Variants in TRPC5 observed in about 807,000 individuals in gnomAD.
The protein encoded by TRPC5 is transient receptor potential cation channel subfamily C member 5.
Under a neutral mutation model 56.5 loss-of-function variants are expected in TRPC5, and 9 were observed. That is an observed-to-expected ratio of 0.16 (90% CI 0.10 to 0.28). The LOEUF is 0.28. Ranked by LOEUF, TRPC5 falls within the 10% of genes least tolerant of loss-of-function variation. TRPC5 has a pLI of 1.00. For missense variants in TRPC5, 469 were observed against 748.9 expected (o/e 0.63, Z 4.36); for synonymous variants, 282 against 278.5 (o/e 1.01, Z -0.13).
intron 7 of TRPC5, among the ~76,000 whole-genome samples, chrX:111,811,703 C>A (rs1036154883): frequency 9.0e-6 from 1 of 111,126 alleles, no homozygotes; most frequent in East Asian, 2.8e-4. Flanking sequence ...GTTTTCTCAA[C>A]AGTAAAAATG....
intron 1 of TRPC5, among the ~76,000 whole-genome samples, chrX:111,975,845 A>G (rs1927910765): frequency 1.8e-5 from 2 of 112,209 alleles, no homozygotes; most frequent in Admixed American, 9.4e-5. Flanking sequence ...CGGAGCTTGC[A>G]GTGAGCCGAG....
chrX:112,021,043 C>T (rs540292791), intron 1 of TRPC5, among the ~76,000 whole-genome samples: 31 of 109,321 alleles, frequency 2.8e-4, no homozygotes, highest in African/African-American at 1.0e-3. Flanking sequence ...CACAGGGCCA[C>T]AGGAGAATGG....
chrX:111,809,792 A>G (rs751945870), intron 7 of TRPC5, among the ~76,000 whole-genome samples: 1 of 111,014 alleles, frequency 9.0e-6, no homozygotes, highest in South Asian at 3.9e-4. Flanking sequence ...GTGTGTGGTG[A>G]GAACATTTAA....
chrX:111,834,273 A>G (rs1333463784), intron 7 of TRPC5, among the ~76,000 whole-genome samples: 1 of 111,334 alleles, frequency 9.0e-6, no homozygotes, highest in Non-Finnish European at 1.9e-5. Flanking sequence ...AATGGAGTGC[A>G]GTTACTTATA....
chrX:111,944,887 C>T (rs935735965), intron 2 of TRPC5, among the ~76,000 whole-genome samples: 1 of 111,104 alleles, frequency 9.0e-6, no homozygotes, highest in African/African-American at 3.3e-5. Flanking sequence ...TCTTATCAGA[C>T]TTCTGACCTC....
chrX:111,852,933 A>AT (rs373884953), intron 4 of TRPC5, among the ~76,000 whole-genome samples: 5,510 of 108,798 alleles, frequency 0.051, 290 homozygotes, highest in African/African-American at 0.15. Flanking sequence ...TTTATAACTC[A>AT]TTTTTTTTTC....
rs1326554305 is a variant in TRPC5, at chrX:111,859,350, T to A, written c.901-5244A>T. ...CAGGTGTGCTATAGTTTTTGAAACA[T>A]AATTTTTACTTTTCAGTTTCCTATT... On this transcript the variant is annotated intron_variant, in intron 3 of 10. Coordinates refer to ENST00000262839, the MANE Select transcript of TRPC5 (RefSeq NM_012471.3). Among the ~76,000 whole-genome samples the A allele has an allele frequency of 2.7e-5, 3 of 112,642 alleles. No homozygotes were observed. In the East Asian group the frequency reaches 8.3e-4, roughly 31 times the overall value.
At chrX:112,054,859 C>A (rs1175325476) in intron 1 of TRPC5, among the ~76,000 whole-genome samples, 1 of 111,395 alleles carries the variant, frequency 9.0e-6, no homozygotes, top group Non-Finnish European at 1.9e-5. Flanking sequence ...CTCCCTGGTT[C>A]ATGTTTTCCT....
intron 7 of TRPC5, among the ~76,000 whole-genome samples, 181 bp downstream of exon 7, chrX:111,834,740 A>G (rs1922514495): frequency 2.7e-5 from 3 of 112,450 alleles, no homozygotes; most frequent in Admixed American, 1.9e-4. Context: ...TGAAGAGTCT[A>G]TAGACTAAGA....
At chrX:111,823,530 G>A (rs181065924) in intron 7 of TRPC5, among the ~76,000 whole-genome samples, 2 of 111,322 alleles carry the variant, frequency 1.8e-5, no homozygotes, top group Non-Finnish European at 3.8e-5. Context: ...GTGCTGACCC[G>A]TTTACTCCCT....
At chrX:111,956,570 G>A (rs966015558) in intron 1 of TRPC5, among the ~76,000 whole-genome samples, 2 of 111,560 alleles carry the variant, frequency 1.8e-5, no homozygotes, top group African/African-American at 3.3e-5. Context: ...AGTCCAAAAA[G>A]TGCCTATAGT....
chrX:111,816,248 ATCT>A (rs1569525749), intron 7 of TRPC5, among the ~76,000 whole-genome samples: 1 of 112,129 alleles, frequency 8.9e-6, no homozygotes. Flanking sequence ...TCTCCTTTTC[ATCT>A]TCTAAAATGG....
At chrX:111,814,046 T>C (rs1282660598) in intron 7 of TRPC5, among the ~76,000 whole-genome samples, 1 of 112,705 alleles carries the variant, frequency 8.9e-6, no homozygotes, top group East Asian at 2.8e-4. Flanking sequence ...CTAGAAATTA[T>C]ACATTGTATT....
chrX:111,909,930 G>C (rs1332184992), intron 3 of TRPC5, among the ~76,000 whole-genome samples: 1 of 111,709 alleles, frequency 9.0e-6, no homozygotes, highest in Non-Finnish European at 1.9e-5. Context: ...TCATCACATT[G>C]GTTGTCAAAT....
chrX:112,054,713 T>C (rs1015050117), intron 1 of TRPC5, among the ~76,000 whole-genome samples: 4 of 111,238 alleles, frequency 3.6e-5, no homozygotes, highest in Admixed American at 9.6e-5. Context: ...TTAAAGCCTA[T>C]AGAACATAAC....
intron 1 of TRPC5, among the ~76,000 whole-genome samples, chrX:111,988,968 T>C (rs1928282317): frequency 8.9e-6 from 1 of 112,112 alleles, no homozygotes; most frequent in South Asian, 3.7e-4. Context: ...GAAAGTAGCA[T>C]TACTAATCCC....
Position 112,070,756 on chromosome X carries a change from C to CA in TRPC5, c.-22+11122_-22+11123insT, listed in dbSNP as rs202116864. ...CCACTAAAACTGAAAACTGCCCCCCCCCAAAGTTACTTCCTCCTCCATCCT... is the reference window on the plus strand; with the variant it reads ...CCACTAAAACTGAAAACTGCCCCCCCACCAAAGTTACTTCCTCCTCCATCCT... On this transcript the variant is annotated intron_variant, in intron 1 of 10. Coordinates refer to ENST00000262839, the MANE Select transcript of TRPC5 (RefSeq NM_012471.3). Among the ~76,000 whole-genome samples, 874 of 107,722 alleles carry CA rather than the reference C, an allele frequency of 8.1e-3. 16 individuals are homozygous for CA. Among genetic ancestry groups the CA allele is most frequent in the African/African-American group, 0.029 (822 of 28,345 alleles). The allele number at this position is 107,722 out of a possible 115,157, so 93.5% of individuals were successfully genotyped here. A position where few individuals can be genotyped will look rare whatever the true frequency, so the allele number is the denominator to read the frequency against.
intron 2 of TRPC5, among the ~76,000 whole-genome samples, chrX:111,943,445 C>T (rs1926835531): frequency 8.9e-6 from 1 of 112,009 alleles, no homozygotes; most frequent in South Asian, 3.8e-4. Flanking sequence ...AATGAAGTGT[C>T]CTGTTGCTGA....
chrX:111,950,535 T>A (rs1927060755), intron 2 of TRPC5, among the ~76,000 whole-genome samples: 1 of 110,503 alleles, frequency 9.0e-6, no homozygotes, highest in African/African-American at 3.3e-5. Context: ...GGGAGAGGAA[T>A]AAAAGACTAC....
Sources: allele counts gnomAD v4.1 joint callset (sites outside exome capture counted in the v4.1 genomes callset), GRCh38; gene constraint gnomAD v4.1.1; transcripts MANE v1.5; gene names NCBI Gene and HGNC (gene_info 2026-07-23, HGNC 2026-07-21).